The following TAF2 variants were observed in gnomAD, a reference collection of about 807,000 sequenced individuals.
TAF2 encodes the protein TATA-box binding protein associated factor 2.
Under a neutral mutation model 138.5 loss-of-function variants are expected in TAF2, and 61 were observed. The ratio of observed to expected loss-of-function variants is 0.44; its 90% CI spans 0.36 to 0.54. The LOEUF (loss-of-function observed/expected upper bound fraction) is 0.54. Among genes scored for constraint, TAF2 ranks in the 20% least tolerant of loss-of-function variants. The pLI is 0.00. For missense variants in TAF2, 1,090 were observed against 1,427.9 expected (o/e 0.76, Z 3.81); for synonymous variants, 475 against 469.9 (o/e 1.01, Z -0.14).
At chr8:119,784,109 G>A (rs1011287840) in intron 15 of TAF2, among the ~76,000 whole-genome samples, 1 of 152,174 alleles carries the variant, frequency 6.6e-6, no homozygotes, top group Non-Finnish European at 1.5e-5. Flanking sequence ...TTATTTTCAT[G>A]TATTTCTCAA....
intron 18 of TAF2, 146 bp downstream of exon 18, chr8:119,777,873 G>C: frequency 1.8e-6 from 1 of 549,572 alleles, no homozygotes; most frequent in East Asian, 3.1e-5. Flanking sequence ...AAATGTCAAG[G>C]ACTGTGGACA....
At chr8:119,806,130 G>C (rs1395235839) in intron 4 of TAF2, among the ~76,000 whole-genome samples, 153 bp downstream of exon 4, 1 of 152,068 alleles carries the variant, frequency 6.6e-6, no homozygotes, top group Non-Finnish European at 1.5e-5. Flanking sequence ...TTGAACTCCT[G>C]ATCTTAGGTG....
At chr8:119,819,901 A>G (rs1825711949) in intron 2 of TAF2, among the ~76,000 whole-genome samples, 1 of 152,200 alleles carries the variant, frequency 6.6e-6, no homozygotes, top group Non-Finnish European at 1.5e-5. Context: ...AGAAAAAAAA[A>G]GGGGTAAAAA....
intron 22 of TAF2, among the ~76,000 whole-genome samples, chr8:119,755,224 A>C (rs759987541): frequency 1.3e-5 from 2 of 152,228 alleles, no homozygotes; most frequent in Non-Finnish European, 2.9e-5. Context: ...AACTGTGATA[A>C]GGCTGGGTAC....
In TAF2 at chr8:119,746,694, G is replaced by A; in HGVS notation, c.3108+11C>T. The A allele has an allele frequency of 3.7e-6, 6 of 1,609,254 alleles. No homozygotes were observed. The highest frequency in any genetic ancestry group is 5.1e-6 in the Non-Finnish European group (6 of 1,175,624). On this transcript the variant is annotated intron_variant, in intron 23 of 25. Transcript: ENST00000378164. ...TGAAACTACGTCTTCTGTAATACAT[G>A]TGATTCTTACAGGGTTCTGAAATCC...
intron 2 of TAF2, among the ~76,000 whole-genome samples, chr8:119,821,775 G>GC (rs1825818784): frequency 6.6e-6 from 1 of 152,108 alleles, no homozygotes; most frequent in Admixed American, 6.5e-5. Context: ...ATGGGCTCAC[G>GC]CCTGTAATCC....
At chr8:119,805,216 T>C (rs1824537891) in intron 4 of TAF2, among the ~76,000 whole-genome samples, 1 of 152,220 alleles carries the variant, frequency 6.6e-6, no homozygotes, top group Non-Finnish European at 1.5e-5. Flanking sequence ...TCAGGAACCA[T>C]GTGTTTTAGC....
intron 15 of TAF2, among the ~76,000 whole-genome samples, chr8:119,784,603 TA>T (rs1313150585): frequency 6.6e-6 from 1 of 152,186 alleles, no homozygotes; most frequent in African/African-American, 2.4e-5. Flanking sequence ...AGAGGTTTTA[TA>T]AAAAATATAC....
Position 119,783,326 on chromosome 8 carries a change from G to C in TAF2, c.2112+55C>G, listed in dbSNP as rs530139446. The C allele has an allele frequency of 2.0e-5, 32 of 1,573,848 alleles. No homozygotes were observed. In the African/African-American group the frequency reaches 3.1e-4, roughly 15 times the overall value. On this transcript the variant is annotated intron_variant, in intron 16 of 25. Coordinates refer to ENST00000378164, the MANE Select transcript of TAF2 (RefSeq NM_003184.4). ...CTAGGTGAATTTTAATTCATTTTCA[G>C]AGATACAAAAAATATATACAATAGT...
chr8:119,738,589 G>C (rs557143973), intron 25 of TAF2, among the ~76,000 whole-genome samples: 1 of 152,120 alleles, frequency 6.6e-6, no homozygotes, highest in Non-Finnish European at 1.5e-5. Context: ...GAACAAAAGA[G>C]ATGTTCAGAG....
intron 9 of TAF2, among the ~76,000 whole-genome samples, chr8:119,794,286 C>T (rs766034552): frequency 1.6e-4 from 25 of 151,524 alleles, no homozygotes; most frequent in Non-Finnish European, 3.1e-4. Flanking sequence ...AATCCCAGCT[C>T]TCAGGAGGCT....
chr8:119,757,235 T>C (rs1820761429), intron 21 of TAF2, among the ~76,000 whole-genome samples: 1 of 152,112 alleles, frequency 6.6e-6, no homozygotes, highest in Non-Finnish European at 1.5e-5. Flanking sequence ...AATTTAAGAC[T>C]GTGTAAAATA....
intron 22 of TAF2, among the ~76,000 whole-genome samples, chr8:119,751,337 G>A (rs962591414): frequency 6.6e-6 from 1 of 152,020 alleles, no homozygotes; most frequent in African/African-American, 2.4e-5. Context: ...AAATTCCTGA[G>A]GCCCTTCGCA....
chr8:119,797,379 T>C (rs1823903128), intron 7 of TAF2, among the ~76,000 whole-genome samples: 1 of 152,066 alleles, frequency 6.6e-6, no homozygotes, highest in Admixed American at 6.6e-5. Flanking sequence ...CATACAATAA[T>C]TTGTACAATT....
chr8:119,785,621 A>G (rs1455806002), intron 14 of TAF2, among the ~76,000 whole-genome samples: 1 of 152,236 alleles, frequency 6.6e-6, no homozygotes, highest in Non-Finnish European at 1.5e-5. Flanking sequence ...TCAGCCTTGA[A>G]ATGGGATACG....
Position 119,731,743 on chromosome 8 carries a change from C to T in TAF2, c.*181G>A. The T allele has an allele frequency of 3.1e-6, 2 of 650,696 alleles. No homozygotes were observed. Among genetic ancestry groups the T allele is most frequent in the Non-Finnish European group, 5.3e-6 (2 of 375,542 alleles). 40.3% of individuals were successfully genotyped at this position (650,696 alleles called of 1,614,324 possible). ...ATCCAGAACTACAAAACACATTTTCCTAATTAGATCCCAACTGTATAAATA... is the reference window on the plus strand; with the variant it reads ...ATCCAGAACTACAAAACACATTTTCTTAATTAGATCCCAACTGTATAAATA... On this transcript the variant is annotated 3_prime_UTR_variant, in exon 26 of 26. Coordinates refer to ENST00000378164, the MANE Select transcript of TAF2 (RefSeq NM_003184.4).
intron 18 of TAF2, among the ~76,000 whole-genome samples, chr8:119,768,072 C>G (rs967529586): frequency 4.6e-5 from 7 of 152,338 alleles, no homozygotes; most frequent in Non-Finnish European, 1.0e-4. Flanking sequence ...CTTGCTCCAG[C>G]TGAGGGAGTC....
intron 25 of TAF2, among the ~76,000 whole-genome samples, chr8:119,734,106 G>A (rs1258660959): frequency 2.6e-5 from 4 of 152,004 alleles, no homozygotes; most frequent in Non-Finnish European, 5.9e-5. Context: ...CCCCAACAAC[G>A]AATTATGCCT....
At chr8:119,819,961 A>T (rs1362377323) in intron 2 of TAF2, among the ~76,000 whole-genome samples, 2 of 152,204 alleles carry the variant, frequency 1.3e-5, no homozygotes, top group Non-Finnish European at 2.9e-5. Flanking sequence ...TGAGTAAATT[A>T]GGACAGGTAA....
Sources: gnomAD v4.1 joint callset for allele counts (sites outside exome capture counted in the v4.1 genomes callset) on GRCh38, gnomAD v4.1.1 for gene constraint, MANE v1.5 for transcripts, NCBI Gene and HGNC (gene_info 2026-07-23, HGNC 2026-07-21) for gene names.